RPH3AL: variants seen among roughly 807,000 people sequenced by gnomAD.
RPH3AL encodes rabphilin 3A like (without C2 domains), also known as rab effector Noc2.
Under a neutral mutation model 43.1 loss-of-function variants are expected in RPH3AL, and 38 were observed. The ratio of observed to expected loss-of-function variants is 0.88; its 90% CI spans 0.68 to 1.15. The LOEUF (loss-of-function observed/expected upper bound fraction) is 1.15. Ranked by LOEUF, RPH3AL falls within the 50% of genes most tolerant of loss-of-function variation. RPH3AL has a pLI of 0.00. For missense variants in RPH3AL, 462 were observed against 423.2 expected (o/e 1.09, Z -0.81); for synonymous variants, 189 against 176.3 (o/e 1.07, Z -0.57).
intron 6 of RPH3AL, among the ~76,000 whole-genome samples, chr17:249,847 C>T: frequency 6.8e-6 from 1 of 147,398 alleles, no homozygotes; most frequent in South Asian, 2.2e-4. Flanking sequence ...GGGGCCTTTA[C>T]CAAGCTCCGT....
chr17:229,420 AGGGCCAGCTG>A (rs936134005), intron 7 of RPH3AL, among the ~76,000 whole-genome samples: 14 of 152,366 alleles, frequency 9.2e-5, no homozygotes, highest in Admixed American at 5.2e-4. Context: ...CAAAGACAGC[AGGGCCAGCTG>A]GGGTCAGCAA....
intron 5 of RPH3AL, among the ~76,000 whole-genome samples, chr17:314,741 G>A (rs1380481239): frequency 0.06 from 1,803 of 29,996 alleles, 31 homozygotes; most frequent in African/African-American, 0.12. Flanking sequence ...TAGTCTCTGT[G>A]CTCCACCTCC....
intron 5 of RPH3AL, among the ~76,000 whole-genome samples, chr17:286,935 G>GCACCCTCTCTCCACCATCAGACCTCA (rs2042930204): frequency 1.4e-5 from 1 of 69,724 alleles, no homozygotes. Context: ...GTCAGACCTC[G>GCACCCTCTCTCCACCATCAGACCTCA]CACCCTCTCT....
At chr17:285,201 CT>C (rs942218531) in intron 5 of RPH3AL, among the ~76,000 whole-genome samples, 7 of 136,986 alleles carry the variant, frequency 5.1e-5, no homozygotes, top group East Asian at 2.1e-4. Context: ...CTCGGTCCCC[CT>C]GAGCCTGCAC....
intron 5 of RPH3AL, among the ~76,000 whole-genome samples, chr17:292,114 G>A (rs574778225): frequency 6.6e-6 from 1 of 152,166 alleles, no homozygotes; most frequent in Non-Finnish European, 1.5e-5. Flanking sequence ...CAGCCACAGT[G>A]GCTGACTGTG....
chr17:328,157 G>A lies in RPH3AL; in HGVS notation c.-36-578C>T, dbSNP rs544039923. ...ACCCAGCACCATGCCAAGGGGAGCC[G>A]TCCATAGACACTGCCATGAAAATGG... On this transcript the variant is annotated intron_variant, in intron 2 of 9. Transcript: ENST00000331302. This position sits in a 1 kb window ranked among gnomAD's most constrained non-coding sequence, Gnocchi z 4.2. 2.0e-5 allele frequency among the ~76,000 whole-genome samples: 3 copies of A among 152,126 alleles called. No individual in the cohort carries two copies. Among genetic ancestry groups the A allele is most frequent in the South Asian group, 2.1e-4 (1 of 4,804 alleles).
chr17:309,753 C>T (rs2043598280), intron 5 of RPH3AL, among the ~76,000 whole-genome samples: 1 of 150,840 alleles, frequency 6.6e-6, no homozygotes, highest in African/African-American at 2.4e-5. Context: ...CTGCCCTGCC[C>T]CAGGCTCCTG....
At chr17:315,041 T>TG (rs111760720) in intron 5 of RPH3AL, among the ~76,000 whole-genome samples, 5 of 101,910 alleles carry the variant, frequency 4.9e-5, no homozygotes, top group Admixed American at 1.1e-4. Context: ...GTAGTCCCTG[T>TG]ACTCCACCTC....
In RPH3AL at chr17:262,421, C is replaced by G. The variant is rs369840297; in HGVS notation, c.439-15136G>C. On this transcript the variant is annotated intron_variant, in intron 6 of 9. Transcript: ENST00000331302. ...AGTAGAGACGGGGTTTCACCATGTT[C>G]GCCGGGCTGGTCTTGAACTGCTGAC... Among the ~76,000 whole-genome samples, 350 of 152,170 alleles carry G rather than the reference C, an allele frequency of 2.3e-3. 7 individuals are homozygous for G. In the East Asian group the frequency reaches 0.037, roughly 16 times the overall value.
In RPH3AL at chr17:322,935, G is replaced by A. The variant is rs184791430; in HGVS notation, c.78-1520C>T. 7.9e-5 allele frequency among the ~76,000 whole-genome samples: 12 copies of A among 152,266 alleles called. No homozygotes were observed. Among genetic ancestry groups the A allele is most frequent in the East Asian group, 7.7e-4 (4 of 5,178 alleles). ...CGTCCCTTCCCAGATGCGAGACCTC[G>A]GATGAGGCTCTCACCCTTGGTTTTC... On this transcript the variant is annotated intron_variant, in intron 3 of 9. Transcript: ENST00000331302. The surrounding 1 kb of genome is among the most constrained non-coding windows in gnomAD (Gnocchi z 4.0).
At position 329,564 on chromosome 17, in the gene RPH3AL, CTG is replaced by C. The variant is rs1345497419; in HGVS notation, c.-36-1987_-36-1986del. Among the ~76,000 whole-genome samples the C allele has an allele frequency of 2.0e-5, 3 of 152,190 alleles. No individual in the cohort carries two copies. In the South Asian group the frequency reaches 6.2e-4, roughly 31 times the overall value. ...CTAGTTACCACACTAGAAATTAAAA[CTG>C]AGAAAATCTTTAAAATGTTGTTAAT... On this transcript the variant is annotated intron_variant, in intron 2 of 9. Coordinates refer to ENST00000331302, the MANE Select transcript of RPH3AL (RefSeq NM_006987.4).
intron 5 of RPH3AL, among the ~76,000 whole-genome samples, chr17:318,927 A>G (rs2044380545): frequency 6.6e-6 from 1 of 152,230 alleles, no homozygotes; most frequent in South Asian, 2.1e-4. Context: ...AATAACAACT[A>G]AAAACATTTT....
Position 282,549 on chromosome 17 carries a change from G to A in RPH3AL, c.352-695C>T, listed in dbSNP as rs11657652. Among the ~76,000 whole-genome samples the A allele has an allele frequency of 1.2e-4, 19 of 152,186 alleles. 1 individual carries two copies. The highest frequency in any genetic ancestry group is 4.6e-4 in the African/African-American group (19 of 41,492). On this transcript the variant is annotated intron_variant, in intron 5 of 9. Transcript: ENST00000331302. ...TGTGCTGGGCCATCGAAGACCCCAC[G>A]CCTGGGAGCTTCATGAGAACTGGAA...
chr17:337,389 C>T (rs564783527), intron 1 of RPH3AL, among the ~76,000 whole-genome samples: 20 of 152,328 alleles, frequency 1.3e-4, no homozygotes, highest in African/African-American at 3.8e-4. Flanking sequence ...GAGTACGCCA[C>T]GACACCCAGC....
In RPH3AL at chr17:264,466, G is replaced by T. The variant is rs1277455006; in HGVS notation, c.439-17181C>A. 1.5e-5 allele frequency among the ~76,000 whole-genome samples: 2 copies of T among 136,348 alleles called. No homozygotes were observed. Among genetic ancestry groups the T allele is most frequent in the Non-Finnish European group, 3.2e-5 (2 of 62,116 alleles). 89.4% of individuals were successfully genotyped at this position (136,348 alleles called of 152,430 possible). On this transcript the variant is annotated intron_variant, in intron 6 of 9. Transcript: ENST00000331302. The surrounding 1 kb of genome is among the most constrained non-coding windows in gnomAD (Gnocchi z 4.8). ...GACAGCAGGATTACCCTTCGGAGCC[G>T]CGAGCGCTGGATGGGGACTCAGAAT...
intron 5 of RPH3AL, among the ~76,000 whole-genome samples, chr17:284,175 A>G (rs1166825321): frequency 1.3e-5 from 2 of 152,170 alleles, no homozygotes; most frequent in African/African-American, 4.8e-5. Flanking sequence ...GAGGGAATCA[A>G]ACACCCACAG....
chr17:314,680 GACT>G (rs1567507837), intron 5 of RPH3AL, among the ~76,000 whole-genome samples: 1 of 36,148 alleles, frequency 2.8e-5, no homozygotes, highest in Non-Finnish European at 4.8e-5. Flanking sequence ...TAGTCTCTGT[GACT>G]CCACCTCCAT....
intron 5 of RPH3AL, among the ~76,000 whole-genome samples, chr17:316,197 T>A (rs111645237): frequency 1.2e-5 from 1 of 81,102 alleles, no homozygotes; most frequent in African/African-American, 4.1e-5. Flanking sequence ...GACCTGTAGT[T>A]CCTGTGCCCC....
chr17:235,398 T>C (rs1192839045), intron 7 of RPH3AL, among the ~76,000 whole-genome samples: 6 of 140,588 alleles, frequency 4.3e-5, no homozygotes, highest in Non-Finnish European at 9.1e-5. Flanking sequence ...ACAAGACAGG[T>C]CCCGGGTTCA....
Sources: allele counts gnomAD v4.1 joint callset (sites outside exome capture counted in the v4.1 genomes callset), GRCh38; gene constraint gnomAD v4.1.1; non-coding constraint Gnocchi (gnomAD v3.1); transcripts MANE v1.5; gene names NCBI Gene and HGNC (gene_info 2026-07-23, HGNC 2026-07-21).